NXPH1: variants seen among roughly 807,000 people sequenced by gnomAD.
NXPH1 encodes the protein neurexophilin 1, also known as neurexophilin-1.
A neutral mutation model predicts 23.7 loss-of-function variants in NXPH1; 5 were observed. The observed-to-expected ratio is 0.21, with a 90% CI of 0.11 to 0.44. The LOEUF (loss-of-function observed/expected upper bound fraction) is 0.44, where lower values mean the gene tolerates loss of function less well. Ranked by LOEUF, NXPH1 falls within the 20% of genes least tolerant of loss-of-function variation. NXPH1 has a pLI of 0.99. For synonymous variants in NXPH1, 144 were observed against 122.2 expected, an observed-to-expected ratio of 1.18 and a Z score of -1.18; for missense variants, 324 against 321.6, an observed-to-expected ratio of 1.01 and a Z score of -0.06.
intron 2 of NXPH1, among the ~76,000 whole-genome samples, chr7:8,530,477 G>T (rs1817933740): frequency 6.6e-6 from 1 of 152,186 alleles, no homozygotes; most frequent in South Asian, 2.1e-4. Context: ...CCTTCTTCTA[G>T]ATTCTGTGAA....
Position 8,644,044 on chromosome 7 carries a change from G to C in NXPH1, c.55-106964G>C, listed in dbSNP as rs371209062. 5.3e-3 allele frequency among the ~76,000 whole-genome samples: 813 copies of C among 152,278 alleles called. 9 individuals carry two copies. The highest frequency in any genetic ancestry group is 0.018 in the African/African-American group (763 of 41,556). ...TTTGCTCTTGGATTAGAGAAATGTG[G>C]TGTGTTCCACAGCTGGGCGTTACAC... On this transcript the variant is annotated intron_variant, in intron 2 of 2. Transcript: ENST00000405863.
intron 2 of NXPH1, among the ~76,000 whole-genome samples, chr7:8,737,541 CT>C (rs767642795): frequency 2.6e-5 from 4 of 152,088 alleles, no homozygotes; most frequent in African/African-American, 7.3e-5. Context: ...GTAACCTGAC[CT>C]TTCTCTCTGG....
At chr7:8,652,639 A>G (rs1354909681) in intron 2 of NXPH1, among the ~76,000 whole-genome samples, 13 of 152,176 alleles carry the variant, frequency 8.5e-5, no homozygotes, top group Admixed American at 8.5e-4. Flanking sequence ...AAGACAGGTA[A>G]GTTTCTGCTC....
chr7:8,512,166 A>C (rs1007353681), intron 2 of NXPH1, among the ~76,000 whole-genome samples: 1 of 152,198 alleles, frequency 6.6e-6, no homozygotes, highest in Non-Finnish European at 1.5e-5. Flanking sequence ...CAGCATTAAA[A>C]GGAAGCCAAG....
intron 2 of NXPH1, among the ~76,000 whole-genome samples, chr7:8,465,812 T>G (rs762566849): frequency 6.6e-6 from 1 of 152,226 alleles, no homozygotes; most frequent in Admixed American, 6.5e-5. Flanking sequence ...ATGACTCTCA[T>G]GGGGATTACA....
At chr7:8,733,341 G>A (rs1407084020) in intron 2 of NXPH1, among the ~76,000 whole-genome samples, 2 of 152,136 alleles carry the variant, frequency 1.3e-5, no homozygotes, top group South Asian at 2.1e-4. Context: ...ATAAACATAT[G>A]CATGTATGTG....
intron 2 of NXPH1, among the ~76,000 whole-genome samples, chr7:8,482,357 C>T (rs1187988142): frequency 6.6e-6 from 1 of 152,152 alleles, no homozygotes; most frequent in Non-Finnish European, 1.5e-5. Flanking sequence ...AGTCAAGTCT[C>T]CTCTAGCCAG....
At chr7:8,662,014 A>ACAAAATATAT (rs1820683342) in intron 2 of NXPH1, among the ~76,000 whole-genome samples, 1 of 152,026 alleles carries the variant, frequency 6.6e-6, no homozygotes, top group African/African-American at 2.4e-5. Context: ...TGTAAATTAA[A>ACAAAATATAT]CAAAATATAT....
chr7:8,561,235 G>T (rs1478962416), intron 2 of NXPH1, among the ~76,000 whole-genome samples: 1 of 151,306 alleles, frequency 6.6e-6, no homozygotes, highest in Non-Finnish European at 1.5e-5. Context: ...AAGGAGATTT[G>T]GTTGGTGAGG....
chr7:8,716,679 G>C (rs1471031268), intron 2 of NXPH1, among the ~76,000 whole-genome samples: 2 of 152,004 alleles, frequency 1.3e-5, no homozygotes, highest in Admixed American at 6.6e-5. Context: ...GTATTACTGG[G>C]ATATGTCTGT....
intron 2 of NXPH1, among the ~76,000 whole-genome samples, chr7:8,750,482 G>C (rs1780545358): frequency 6.6e-6 from 1 of 152,038 alleles, no homozygotes; most frequent in Admixed American, 6.6e-5. Flanking sequence ...GGTGTGTGCT[G>C]TTTGCCTCTC....
chr7:8,586,446 C>T (rs1343033452), intron 2 of NXPH1, among the ~76,000 whole-genome samples: 1 of 151,870 alleles, frequency 6.6e-6, no homozygotes, highest in Non-Finnish European at 1.5e-5. Flanking sequence ...AAGTAGAGAC[C>T]ACAGGATCTA....
intron 2 of NXPH1, among the ~76,000 whole-genome samples, chr7:8,669,152 C>G (rs1464195404): frequency 1.3e-5 from 2 of 152,168 alleles, no homozygotes; most frequent in Non-Finnish European, 2.9e-5. Flanking sequence ...AGGCCTGGAC[C>G]TCGGGTCTGC....
intron 2 of NXPH1, among the ~76,000 whole-genome samples, chr7:8,696,839 T>TA (rs1562457645): frequency 0.015 from 398 of 26,714 alleles, 2 homozygotes; most frequent in African/African-American, 0.046. Flanking sequence ...AGACTCCCTC[T>TA]CAAAAAAAAA....
chr7:8,749,704 A>G (rs1233922076), intron 2 of NXPH1, among the ~76,000 whole-genome samples: 1 of 152,196 alleles, frequency 6.6e-6, no homozygotes. Flanking sequence ...GCATGGCAAT[A>G]TAAGTCTATT....
intron 2 of NXPH1, among the ~76,000 whole-genome samples, chr7:8,548,876 C>T (rs1818235015): frequency 6.6e-6 from 1 of 151,462 alleles, no homozygotes; most frequent in Non-Finnish European, 1.5e-5. Context: ...CACTAACTAG[C>T]TTCTTGACAT....
intron 2 of NXPH1, chr7:8,690,295 C>A (rs1419312422): frequency 1.3e-5 from 2 of 152,198 alleles, no homozygotes; most frequent in Non-Finnish European, 2.9e-5. Context: ...GTGGAAGCAG[C>A]AGAAAGTCTA....
chr7:8,544,351 A>T (rs1818169211), intron 2 of NXPH1, among the ~76,000 whole-genome samples: 1 of 151,568 alleles, frequency 6.6e-6, no homozygotes, highest in Admixed American at 6.6e-5. Context: ...CCCTCCTACC[A>T]CGATTGTGTC....
At chr7:8,512,628 T>C (rs1817629735) in intron 2 of NXPH1, among the ~76,000 whole-genome samples, 1 of 152,152 alleles carries the variant, frequency 6.6e-6, no homozygotes, top group Non-Finnish European at 1.5e-5. Context: ...AAATACACAT[T>C]TCTTCATACT....
Sources: allele counts gnomAD v4.1 joint callset (sites outside exome capture counted in the v4.1 genomes callset), GRCh38; gene constraint gnomAD v4.1.1; transcripts MANE v1.5; gene names NCBI Gene and HGNC (gene_info 2026-07-23, HGNC 2026-07-21).